The following AGK variants were observed in gnomAD, a reference collection of about 807,000 sequenced individuals.
AGK encodes acylglycerol kinase.
AGK carries 52 observed loss-of-function variants against 66.4 expected under a neutral mutation model. The observed-to-expected ratio is 0.78, with a 90% CI of 0.63 to 0.99. The LOEUF is 0.99. Ranked by LOEUF, AGK falls within the 50% of genes least tolerant of loss-of-function variation. The pLI, the probability that AGK is intolerant of heterozygous loss-of-function variation, is 0.00. For missense variants in AGK, 451 were observed against 506.6 expected, an observed-to-expected ratio of 0.89 and a Z score of 1.05; for synonymous variants, 182 against 181.1, an observed-to-expected ratio of 1.00 and a Z score of -0.04.
intron 9 of AGK, among the ~76,000 whole-genome samples, chr7:141,628,738 T>G (rs1796994834): frequency 6.6e-6 from 1 of 152,220 alleles, no homozygotes; most frequent in African/African-American, 2.4e-5. Flanking sequence ...GTGCTGGAGA[T>G]GTAACTAGAA....
intron 4 of AGK, chr7:141,597,059 G>A (rs920153121): frequency 2.5e-5 from 4 of 160,368 alleles, no homozygotes; most frequent in Non-Finnish European, 5.5e-5. Flanking sequence ...AGACCTGGGA[G>A]GAAGCAGGCA....
intron 2 of AGK, among the ~76,000 whole-genome samples, chr7:141,588,165 T>A (rs1796031871): frequency 6.6e-6 from 1 of 152,186 alleles, no homozygotes; most frequent in African/African-American, 2.4e-5. Flanking sequence ...TACAACTAAA[T>A]GAGTAATTGC....
At position 141,615,468 on chromosome 7, in the gene AGK, C is replaced by A. The variant is rs766413410; in HGVS notation, c.424-3C>A. The A allele has an allele frequency of 1.9e-5, 30 of 1,612,468 alleles. No individual in the cohort carries two copies. The highest frequency in any genetic ancestry group is 2.7e-5 in the African/African-American group (2 of 74,862). ...AAAACTTTCCTCTTCTTTCCCCCCC[C>A]AGGCTACCTTCAGTAAGATTCCCAT... On this transcript the variant is annotated splice_polypyrimidine_tract_variant and splice_region_variant and intron_variant, in intron 7 of 15. Coordinates refer to ENST00000649286, the MANE Select transcript of AGK (RefSeq NM_018238.4).
intron 12 of AGK, 31 bp downstream of exon 12, chr7:141,641,429 G>C (rs1797287305): frequency 6.3e-7 from 1 of 1,597,094 alleles, no homozygotes; most frequent in Non-Finnish European, 8.5e-7. Flanking sequence ...AGATTGGAGG[G>C]CCCTGGTCAG....
chr7:141,621,951 A>G (rs1363696964), intron 9 of AGK, 150 bp downstream of exon 9: 1 of 605,484 alleles, frequency 1.7e-6, no homozygotes, highest in East Asian at 2.8e-5. Flanking sequence ...CCCAGAGGAA[A>G]TAATTTTACC....
In AGK at chr7:141,621,800, A is replaced by G; in HGVS notation, c.587A>G (p.Lys196Arg). ...ETVPLDVLQIKGEKEQPVFAM... is the reference protein window; with the variant it reads ...ETVPLDVLQIRGEKEQPVFAM... ...GTTCCACTTGATGTCTTGCAGATCA[A>G]GGTAAATCTTTTCATCACATATTGG... The change falls in exon 9 of 16, where the codon AAG becomes AGG. Residue 196 changes from lysine (K) to arginine (R), a missense_variant and splice_region_variant. Transcript: ENST00000649286. 6.2e-7 allele frequency: 1 copy of G among 1,610,850 alleles called. No individual in the cohort carries two copies. Among genetic ancestry groups the G allele is most frequent in the Non-Finnish European group, 8.5e-7 (1 of 1,177,786 alleles).
intron 2 of AGK, among the ~76,000 whole-genome samples, chr7:141,570,015 C>G (rs541488728): frequency 1.3e-5 from 2 of 152,176 alleles, no homozygotes; most frequent in South Asian, 4.1e-4. Flanking sequence ...ACTTGTTAAA[C>G]TTCACTTTTA....
chr7:141,567,082 C>CTAAA (rs1472150252), intron 2 of AGK, among the ~76,000 whole-genome samples: 1 of 152,104 alleles, frequency 6.6e-6, no homozygotes, highest in African/African-American at 2.4e-5. Context: ...TTTCTTGGCC[C>CTAAA]ATATCCTTTT....
chr7:141,565,948 A>G (rs113985774), intron 2 of AGK, among the ~76,000 whole-genome samples: 2 of 152,206 alleles, frequency 1.3e-5, no homozygotes, highest in African/African-American at 4.8e-5. Flanking sequence ...CTCAAGCACA[A>G]TATTCTTACC....
chr7:141,636,293 T>C (rs1359027214), intron 10 of AGK, among the ~76,000 whole-genome samples: 2 of 152,250 alleles, frequency 1.3e-5, no homozygotes, highest in East Asian at 1.9e-4. Context: ...CATCAGAGCA[T>C]GCAGTGTTTG....
At chr7:141,631,531 C>A (rs927697486) in intron 9 of AGK, among the ~76,000 whole-genome samples, 2 of 152,202 alleles carry the variant, frequency 1.3e-5, no homozygotes, top group African/African-American at 4.8e-5. Context: ...TTGACTCCCC[C>A]ATTCAGGCAA....
chr7:141,643,206 C>T (rs1157558377), intron 13 of AGK, among the ~76,000 whole-genome samples: 1 of 152,022 alleles, frequency 6.6e-6, no homozygotes, highest in East Asian at 1.9e-4. Flanking sequence ...GCTCCCTTCA[C>T]CCTATAAAAA....
intron 2 of AGK, among the ~76,000 whole-genome samples, chr7:141,577,492 A>T (rs1394599781): frequency 6.6e-6 from 1 of 152,224 alleles, no homozygotes; most frequent in East Asian, 1.9e-4. Context: ...ACAAAAAATT[A>T]GGCTTGCAGA....
chr7:141,591,084 T>A (rs1421802018), intron 2 of AGK, among the ~76,000 whole-genome samples: 2 of 8,052 alleles, frequency 2.5e-4, no homozygotes, highest in African/African-American at 5.5e-4. Flanking sequence ...CTTAAGTTGT[T>A]TTTTTTTTTT....
intron 4 of AGK, among the ~76,000 whole-genome samples, chr7:141,597,727 G>GA (rs1320677047): frequency 1.3e-5 from 2 of 151,214 alleles, no homozygotes; most frequent in East Asian, 1.9e-4. Context: ...AAAATTAGCT[G>GA]AAAAAATGCA....
At chr7:141,563,718 C>T (rs971706398) in intron 2 of AGK, among the ~76,000 whole-genome samples, 8 of 152,184 alleles carry the variant, frequency 5.3e-5, no homozygotes, top group Non-Finnish European at 1.0e-4. Flanking sequence ...TCTGTCATTA[C>T]GGCCTTCTAT....
Position 141,555,083 on chromosome 7 carries a change from T to C in AGK, c.-14-370T>C, listed in dbSNP as rs1795179272. Reference sequence around the variant, plus strand: ...TGTATACTCTTAAACAGTGGTACAGTGAGGCTGTAAGGAGTTAGAAAAACC... The same window carrying C: ...TGTATACTCTTAAACAGTGGTACAGCGAGGCTGTAAGGAGTTAGAAAAACC... On this transcript the variant is annotated intron_variant, in intron 1 of 15. Transcript: ENST00000649286. This position sits in a 1 kb window ranked among gnomAD's most constrained non-coding sequence, Gnocchi z 4.2. 6.6e-6 allele frequency among the ~76,000 whole-genome samples: 1 copy of C among 152,218 alleles called. No homozygotes were observed. Among genetic ancestry groups the C allele is most frequent in the Non-Finnish European group, 1.5e-5 (1 of 68,038 alleles).
At position 141,552,479 on chromosome 7, in the gene AGK, T is replaced by G. The variant is rs139458236; in HGVS notation, c.-15+1045T>G. On this transcript the variant is annotated intron_variant, in intron 1 of 15. Transcript: ENST00000649286. The stretch of plus-strand genomic sequence containing the variant: ...CTTGTTAACAAGTGAAGATGACAGC[T>G]TAATTCCAGAACAAATGAGACTCTT... Among the ~76,000 whole-genome samples the G allele has an allele frequency of 6.6e-3, 1,003 of 152,326 alleles. 12 individuals carry two copies. Among genetic ancestry groups the G allele is most frequent in the African/African-American group, 0.023 (975 of 41,570 alleles).
chr7:141,567,861 C>T (rs1261303631), intron 2 of AGK, among the ~76,000 whole-genome samples: 1 of 152,222 alleles, frequency 6.6e-6, no homozygotes, highest in Admixed American at 6.5e-5. Context: ...TTGGACTGAA[C>T]TGACGCTTCC....
Sources: allele counts gnomAD v4.1 joint callset (sites outside exome capture counted in the v4.1 genomes callset), GRCh38; gene constraint gnomAD v4.1.1; non-coding constraint Gnocchi (gnomAD v3.1); transcripts MANE v1.5; gene names NCBI Gene and HGNC (gene_info 2026-07-23, HGNC 2026-07-21).